Variants in POFUT3 observed in about 807,000 individuals in gnomAD.
The protein encoded by POFUT3 is GDP-fucose protein O-fucosyltransferase 3.
chr8:33,417,712 G>A, the POFUT3 span, among the ~76,000 whole-genome samples: 2 of 152,052 alleles, frequency 1.3e-5, no homozygotes, highest in East Asian at 1.9e-4. Context: ...TCTGGTACTC[G>A]CCTCCTCCAC....
chr8:33,349,770 A>G, the POFUT3 span, among the ~76,000 whole-genome samples: 23 of 152,176 alleles, frequency 1.5e-4, no homozygotes, highest in Admixed American at 1.5e-3. Flanking sequence ...TTTTCATATA[A>G]TGACGTCTTT....
At chr8:33,461,490 G>GGTT in the POFUT3 span, 2 of 1,613,026 alleles carry the variant, frequency 1.2e-6, no homozygotes, top group Non-Finnish European at 1.7e-6. Flanking sequence ...GGGCTAACCT[G>GGTT]GTTACCAGGT....
At chr8:33,392,494 G>C in the POFUT3 span, among the ~76,000 whole-genome samples, 1 of 151,888 alleles carries the variant, frequency 6.6e-6, no homozygotes, top group Admixed American at 6.6e-5. Flanking sequence ...CAGAAGAATT[G>C]CATGAACTGG....
At chr8:33,434,080 G>C in the POFUT3 span, among the ~76,000 whole-genome samples, 1 of 152,008 alleles carries the variant, frequency 6.6e-6, no homozygotes, top group Non-Finnish European at 1.5e-5. Flanking sequence ...TGGCCAACAT[G>C]GTGAAACCTG....
the POFUT3 span, among the ~76,000 whole-genome samples, chr8:33,462,776 T>C: frequency 6.6e-6 from 1 of 152,044 alleles, no homozygotes; most frequent in South Asian, 2.1e-4. Flanking sequence ...TAGAAAATTT[T>C]ACAAATTAGC....
At chr8:33,451,521 T>A in the POFUT3 span, among the ~76,000 whole-genome samples, 1 of 152,050 alleles carries the variant, frequency 6.6e-6, no homozygotes, top group Non-Finnish European at 1.5e-5. Flanking sequence ...TGTGTACATA[T>A]GTATATGCAT....
At chr8:33,322,525 A>G in the POFUT3 span, among the ~76,000 whole-genome samples, 2 of 152,086 alleles carry the variant, frequency 1.3e-5, no homozygotes, top group Non-Finnish European at 2.9e-5. Flanking sequence ...TATAAAACAG[A>G]AGGGATGGGG....
chr8:33,420,481 G>C, the POFUT3 span, among the ~76,000 whole-genome samples: 1 of 152,060 alleles, frequency 6.6e-6, no homozygotes, highest in East Asian at 1.9e-4. Context: ...AGACTAAATG[G>C]GCATTCTTTA....
At chr8:33,418,730 C>A in the POFUT3 span, among the ~76,000 whole-genome samples, 1 of 152,180 alleles carries the variant, frequency 6.6e-6, no homozygotes, top group African/African-American at 2.4e-5. Flanking sequence ...TGCTGGGTAT[C>A]TTTCCAGAAG....
the POFUT3 span, among the ~76,000 whole-genome samples, chr8:33,423,005 C>T: frequency 2.6e-5 from 4 of 152,194 alleles, no homozygotes; most frequent in Admixed American, 6.5e-5. Flanking sequence ...TTTGTAAAGA[C>T]GGGGTCTTGC....
the POFUT3 span, chr8:33,372,939 G>T: frequency 6.5e-6 from 5 of 764,966 alleles, 1 homozygote; most frequent in South Asian, 3.8e-5. Flanking sequence ...CTCACATATT[G>T]CCTCACTTAA....
At chr8:33,435,874 C>T in the POFUT3 span, among the ~76,000 whole-genome samples, 1 of 151,426 alleles carries the variant, frequency 6.6e-6, no homozygotes, top group Non-Finnish European at 1.5e-5. Flanking sequence ...AACCATTTAT[C>T]TCACCGGAGA....
the POFUT3 span, among the ~76,000 whole-genome samples, chr8:33,426,910 C>A: frequency 6.6e-6 from 1 of 152,188 alleles, no homozygotes; most frequent in Non-Finnish European, 1.5e-5. Context: ...CACAAGGGTA[C>A]CCTCTCTGGA....
chr8:33,376,022 G>GAAA, the POFUT3 span, among the ~76,000 whole-genome samples: 111 of 124,608 alleles, frequency 8.9e-4, 1 homozygote, highest in African/African-American at 3.0e-3. Context: ...ATCTCAAAAA[G>GAAA]AAAAAAAAAA....
the POFUT3 span, among the ~76,000 whole-genome samples, chr8:33,431,053 T>C: frequency 1.3e-5 from 2 of 152,084 alleles, no homozygotes; most frequent in African/African-American, 4.8e-5. Flanking sequence ...GCATTGTGGG[T>C]CTGTGTGGGC....
chr8:33,451,468 A>G, the POFUT3 span, among the ~76,000 whole-genome samples: 590 of 152,018 alleles, frequency 3.9e-3, 25 homozygotes, highest in East Asian at 0.11. Flanking sequence ...GTGTATGTAT[A>G]TGTGTGTGTA....
chr8:33,470,236 CAAAAAAAAAAAAAAAAA>C, the POFUT3 span, among the ~76,000 whole-genome samples: 227 of 89,080 alleles, frequency 2.5e-3, 4 homozygotes, highest in East Asian at 0.043. Context: ...CCCATCTCTA[CAAAAAAAAAAAAAAAAA>C]AAAAAAAAAA....
the POFUT3 span, among the ~76,000 whole-genome samples, chr8:33,450,980 C>G: frequency 5.3e-5 from 8 of 151,538 alleles, no homozygotes; most frequent in Non-Finnish European, 7.4e-5. Context: ...AATTTCCAAA[C>G]TGGTGAAACA....
the POFUT3 span, among the ~76,000 whole-genome samples, chr8:33,358,897 A>G: frequency 6.2e-4 from 94 of 152,288 alleles, no homozygotes; most frequent in Non-Finnish European, 5.9e-4. Context: ...ATATGAGGTT[A>G]TAGCAAAAAG....
Sources: gnomAD v4.1 joint callset for allele counts (sites outside exome capture counted in the v4.1 genomes callset) on GRCh38, gnomAD v4.1.1 for gene constraint, MANE v1.5 for transcripts, NCBI Gene and HGNC (gene_info 2026-07-23, HGNC 2026-07-21) for gene names.